Variants in DNAH11 observed in about 807,000 individuals in gnomAD.
DNAH11 encodes the protein axonemal beta dynein heavy chain 11.
A neutral mutation model predicts 526.0 loss-of-function variants in DNAH11; 442 were observed. That is an observed-to-expected ratio of 0.84 (90% CI 0.78 to 0.91). The LOEUF (loss-of-function observed/expected upper bound fraction) is 0.91, where lower values mean the gene tolerates loss of function less well. Among genes scored for constraint, DNAH11 ranks in the 40% least tolerant of loss-of-function variants. DNAH11 has a pLI of 0.00. For synonymous variants in DNAH11, 2,461 were observed against 1,935.9 expected, an observed-to-expected ratio of 1.27 and a Z score of -7.12; for missense variants, 6,989 against 5,448.7, an observed-to-expected ratio of 1.28 and a Z score of -8.90.
chr7:21,853,391 C>G (rs1782715934), intron 67 of DNAH11, among the ~76,000 whole-genome samples: 1 of 152,190 alleles, frequency 6.6e-6, no homozygotes, highest in Non-Finnish European at 1.5e-5. Context: ...AATGGAATCC[C>G]AAATTACTCT....
chr7:21,565,022 C>G (rs1276024755), intron 6 of DNAH11, among the ~76,000 whole-genome samples: 4 of 152,180 alleles, frequency 2.6e-5, no homozygotes, highest in Non-Finnish European at 5.9e-5. Context: ...GTAAAAGATA[C>G]TTGGATGCTA....
At chr7:21,638,441 C>G (rs1166698521) in intron 27 of DNAH11, among the ~76,000 whole-genome samples, 1 of 151,924 alleles carries the variant, frequency 6.6e-6, no homozygotes, top group Non-Finnish European at 1.5e-5. Context: ...CTGCTAAGGG[C>G]AATAAAGTGG....
At chr7:21,898,198 C>T (rs1051648873) in intron 79 of DNAH11, among the ~76,000 whole-genome samples, 1 of 152,184 alleles carries the variant, frequency 6.6e-6, no homozygotes, top group Non-Finnish European at 1.5e-5. Flanking sequence ...GAAATGTCTT[C>T]CTGCCTTTGC....
intron 46 of DNAH11, among the ~76,000 whole-genome samples, chr7:21,736,681 A>G (rs1158670527): frequency 6.6e-6 from 1 of 152,152 alleles, no homozygotes; most frequent in Non-Finnish European, 1.5e-5. Flanking sequence ...TGTCTTTATG[A>G]ATGGAACCCT....
chr7:21,614,135 T>C (rs1000140662), intron 20 of DNAH11, among the ~76,000 whole-genome samples: 3 of 152,094 alleles, frequency 2.0e-5, no homozygotes, highest in African/African-American at 7.2e-5. Flanking sequence ...TATTTGTCAA[T>C]TGAAAAAGAG....
chr7:21,662,719 C>T (rs1782284308), intron 30 of DNAH11, among the ~76,000 whole-genome samples: 1 of 152,076 alleles, frequency 6.6e-6, no homozygotes, highest in African/African-American at 2.4e-5. Context: ...TTCCTCCCAA[C>T]TGAAATTTTG....
chr7:21,865,497 C>A (rs1191991553), intron 70 of DNAH11, among the ~76,000 whole-genome samples: 2 of 151,952 alleles, frequency 1.3e-5, no homozygotes, highest in East Asian at 3.9e-4. Flanking sequence ...AGGAAATCAA[C>A]CAGGGGATGG....
intron 15 of DNAH11, 143 bp downstream of exon 15, chr7:21,600,262 C>G (rs752784207): frequency 1.5e-6 from 1 of 682,520 alleles, no homozygotes; most frequent in Non-Finnish European, 2.3e-6. Flanking sequence ...GAGTTCAAGA[C>G]CAGCCTAAGC....
At position 21,735,544 on chromosome 7, in the gene DNAH11, C is replaced by T. The variant is rs1451737780; in HGVS notation, c.7441-96C>T. 1.1e-5 allele frequency: 11 copies of T among 982,574 alleles called. No homozygotes were observed. The East Asian group carries it at 2.6e-4, about 23-fold the overall frequency. The allele number at this position is 982,574 out of a possible 1,614,324, so 60.9% of individuals were successfully genotyped here. On this transcript the variant is annotated intron_variant, in intron 45 of 81. Coordinates refer to ENST00000409508, the MANE Select transcript of DNAH11 (RefSeq NM_001277115.2). ...TATTTGGATTTCAATTATAAAGTGA[C>T]TGTGTTGAGTTTGATATAAAATTTT...
At chr7:21,887,754 C>T (rs941930464) in intron 76 of DNAH11, among the ~76,000 whole-genome samples, 2 of 152,016 alleles carry the variant, frequency 1.3e-5, no homozygotes, top group Admixed American at 6.6e-5. Context: ...TAGTAAATAC[C>T]TGCTCTGTGC....
At chr7:21,837,551 T>C (rs1384338790) in intron 65 of DNAH11, among the ~76,000 whole-genome samples, 1 of 152,128 alleles carries the variant, frequency 6.6e-6, no homozygotes, top group East Asian at 1.9e-4. Flanking sequence ...AGAAAAATGG[T>C]TACCAGAGGC....
chr7:21,674,760 A>G (rs1782800761), intron 30 of DNAH11, among the ~76,000 whole-genome samples: 1 of 152,094 alleles, frequency 6.6e-6, no homozygotes, highest in South Asian at 2.1e-4. Flanking sequence ...AGAAGCAGAT[A>G]GGGAATTTTC....
intron 74 of DNAH11, among the ~76,000 whole-genome samples, chr7:21,873,784 C>CTT (rs57333575): frequency 0.031 from 2,153 of 70,576 alleles, 540 homozygotes; most frequent in African/African-American, 0.098. Context: ...GAGGAGGTTG[C>CTT]TTTTTTTTTT....
chr7:21,656,205 A>G (rs1396940780), intron 29 of DNAH11, among the ~76,000 whole-genome samples: 2 of 152,136 alleles, frequency 1.3e-5, no homozygotes, highest in African/African-American at 2.4e-5. Context: ...GGTCTCAGAG[A>G]CGCTAGGAAT....
At chr7:21,895,993 T>G (rs1403653405) in intron 79 of DNAH11, among the ~76,000 whole-genome samples, 1 of 152,172 alleles carries the variant, frequency 6.6e-6, no homozygotes, top group Non-Finnish European at 1.5e-5. Context: ...CCTCCCAAAG[T>G]GCTGGGATTA....
chr7:21,573,708 T>C (rs1354494199), intron 8 of DNAH11, among the ~76,000 whole-genome samples: 3 of 152,150 alleles, frequency 2.0e-5, no homozygotes, highest in Non-Finnish European at 4.4e-5. Context: ...TATTTGCATG[T>C]ACATATGAAT....
intron 12 of DNAH11, among the ~76,000 whole-genome samples, chr7:21,590,567 T>C (rs1336794193): frequency 6.6e-6 from 1 of 152,160 alleles, no homozygotes; most frequent in African/African-American, 2.4e-5. Flanking sequence ...CTGATCTGTT[T>C]CCCTAAAATA....
At chr7:21,875,220 T>A (rs1486032106) in intron 74 of DNAH11, among the ~76,000 whole-genome samples, 1 of 152,222 alleles carries the variant, frequency 6.6e-6, no homozygotes, top group Non-Finnish European at 1.5e-5. Flanking sequence ...ATATGTTTTT[T>A]AATCATCTCT....
chr7:21,739,081 T>C (rs1215111694), intron 47 of DNAH11, among the ~76,000 whole-genome samples: 2 of 152,316 alleles, frequency 1.3e-5, no homozygotes, highest in East Asian at 3.9e-4. Flanking sequence ...TCCCTTTGTA[T>C]CTTTGGAAGA....
Sources: allele counts gnomAD v4.1 joint callset (sites outside exome capture counted in the v4.1 genomes callset), GRCh38; gene constraint gnomAD v4.1.1; transcripts MANE v1.5; gene names NCBI Gene and HGNC (gene_info 2026-07-23, HGNC 2026-07-21).